KIAA0825: variants seen among roughly 807,000 people sequenced by gnomAD.
KIAA0825 encodes uncharacterized protein KIAA0825.
Under a neutral mutation model 147.6 loss-of-function variants are expected in KIAA0825, and 119 were observed. The ratio of observed to expected loss-of-function variants is 0.81; its 90% confidence interval spans 0.69 to 0.94. The LOEUF (loss-of-function observed/expected upper bound fraction) is 0.94, where lower values mean the gene tolerates loss of function less well. Among genes scored for constraint, KIAA0825 ranks in the 40% least tolerant of loss-of-function variants. KIAA0825 has a pLI of 0.00. For missense variants in KIAA0825, 1,381 were observed against 1,472.7 expected, an observed-to-expected ratio of 0.94 and a Z score of 1.02; for synonymous variants, 470 against 518.1, an observed-to-expected ratio of 0.91 and a Z score of 1.26.
chr5:94,417,018 A>C (rs1222744100), intron 15 of KIAA0825, 183 bp downstream of exon 15: 1 of 519,488 alleles, frequency 1.9e-6, no homozygotes, highest in Non-Finnish European at 3.4e-6. Flanking sequence ...AAGTATATGA[A>C]ATTTTACAGG....
chr5:94,203,695 C>T (rs572913357), intron 20 of KIAA0825, among the ~76,000 whole-genome samples: 18 of 152,204 alleles, frequency 1.2e-4, no homozygotes, highest in African/African-American at 3.9e-4. Flanking sequence ...AACAGATACT[C>T]GAGTATCTGA....
At chr5:94,188,938 T>G (rs377019465) in intron 20 of KIAA0825, among the ~76,000 whole-genome samples, 1 of 152,212 alleles carries the variant, frequency 6.6e-6, no homozygotes, top group South Asian at 2.1e-4. Flanking sequence ...ACACTTATTA[T>G]TGGCAGTCTT....
chr5:94,613,020 A>G (rs1374840580), intron 1 of KIAA0825, among the ~76,000 whole-genome samples: 2 of 152,322 alleles, frequency 1.3e-5, no homozygotes, highest in Middle Eastern at 3.4e-3. Context: ...GGCTATCATT[A>G]TATGTTCATG....
intron 20 of KIAA0825, among the ~76,000 whole-genome samples, chr5:94,364,468 G>C (rs1309736238): frequency 6.6e-6 from 1 of 151,694 alleles, no homozygotes; most frequent in East Asian, 1.9e-4. Context: ...TGCAAGCTCT[G>C]CCTCCCGGGT....
intron 1 of KIAA0825, among the ~76,000 whole-genome samples, chr5:94,597,636 T>C (rs899435842): frequency 2.0e-5 from 3 of 152,166 alleles, no homozygotes; most frequent in Admixed American, 1.3e-4. Flanking sequence ...TATATAGTCA[T>C]GTGTCACTTA....
intron 6 of KIAA0825, among the ~76,000 whole-genome samples, chr5:94,482,210 C>T (rs942738483): frequency 4.6e-5 from 7 of 151,954 alleles, no homozygotes; most frequent in East Asian, 1.9e-4. Context: ...ACTGAGAGAA[C>T]GGCCAATTTG....
chr5:94,503,972 G>C (rs575845269), intron 5 of KIAA0825, among the ~76,000 whole-genome samples: 1 of 152,270 alleles, frequency 6.6e-6, no homozygotes, highest in Non-Finnish European at 1.5e-5. Flanking sequence ...TCCAGCCTGT[G>C]TATCAAGAAC....
At chr5:94,320,230 G>A (rs1301484000) in intron 20 of KIAA0825, among the ~76,000 whole-genome samples, 1 of 151,806 alleles carries the variant, frequency 6.6e-6, no homozygotes, top group Non-Finnish European at 1.5e-5. Context: ...CATATTTATG[G>A]GGTACATGTG....
chr5:94,386,216 A>C, intron 19 of KIAA0825, 26 bp downstream of exon 19: 1 of 1,524,254 alleles, frequency 6.6e-7, no homozygotes. Context: ...CACACATTTA[A>C]ATTAAATTTA....
intron 2 of KIAA0825, among the ~76,000 whole-genome samples, chr5:94,538,983 A>T (rs997536453): frequency 1.3e-5 from 2 of 152,224 alleles, no homozygotes; most frequent in Non-Finnish European, 2.9e-5. Flanking sequence ...TAAGGCTGAG[A>T]CCTACTGGAC....
intron 5 of KIAA0825, among the ~76,000 whole-genome samples, chr5:94,500,718 A>G (rs1764969600): frequency 1.3e-5 from 2 of 152,198 alleles, no homozygotes; most frequent in South Asian, 4.1e-4. Flanking sequence ...TGTTGGAATC[A>G]TCATGATAAA....
chr5:94,585,474 C>A (rs1043261121), intron 1 of KIAA0825, among the ~76,000 whole-genome samples: 1 of 152,168 alleles, frequency 6.6e-6, no homozygotes, highest in Non-Finnish European at 1.5e-5. Flanking sequence ...GGGATCAATT[C>A]AACAAGAAGA....
chr5:94,224,082 CTTTTTTTTTTTTTT>C (rs869059424), intron 20 of KIAA0825, among the ~76,000 whole-genome samples: 3 of 56,434 alleles, frequency 5.3e-5, no homozygotes, highest in African/African-American at 6.8e-5. Flanking sequence ...TTTTTCTTTT[CTTTTTTTTTTTTTT>C]TTTTTTTTTT....
intron 20 of KIAA0825, among the ~76,000 whole-genome samples, chr5:94,189,272 G>A (rs1260592730): frequency 6.6e-6 from 1 of 152,052 alleles, no homozygotes; most frequent in Non-Finnish European, 1.5e-5. Context: ...ATCTTAATGA[G>A]AGTCCATTTT....
chr5:94,533,884 A>T (rs1771432219), intron 3 of KIAA0825, among the ~76,000 whole-genome samples: 1 of 152,174 alleles, frequency 6.6e-6, no homozygotes, highest in Non-Finnish European at 1.5e-5. Context: ...GCCTTTCTTG[A>T]AGGGCAGGTG....
intron 20 of KIAA0825, among the ~76,000 whole-genome samples, chr5:94,354,775 A>G (rs1562408691): frequency 6.6e-6 from 1 of 152,222 alleles, no homozygotes; most frequent in Non-Finnish European, 1.5e-5. Flanking sequence ...TCATAATCAA[A>G]CTGTCTTACA....
At chr5:94,160,914 T>C (rs1441054253) in intron 20 of KIAA0825, among the ~76,000 whole-genome samples, 2 of 152,140 alleles carry the variant, frequency 1.3e-5, no homozygotes, top group Non-Finnish European at 2.9e-5. Context: ...CTCTGTTTCC[T>C]TCTTTCTGCT....
chr5:94,307,637 G>C (rs1778831862), intron 20 of KIAA0825, among the ~76,000 whole-genome samples: 1 of 151,464 alleles, frequency 6.6e-6, no homozygotes, highest in Non-Finnish European at 1.5e-5. Context: ...AACTATCCCT[G>C]TAAATCTTCA....
Position 94,227,139 on chromosome 5 carries a change from A to G in KIAA0825, c.3711-73015T>C, listed in dbSNP as rs145300046. ...ACTATTCACAATAGCAAAGATTTGGAACCAACCCAAATGTCCAACAATGAT... is the reference window on the plus strand; with the variant it reads ...ACTATTCACAATAGCAAAGATTTGGGACCAACCCAAATGTCCAACAATGAT... On this transcript the variant is annotated intron_variant, in intron 20 of 20. Transcript: ENST00000682413. Among the ~76,000 whole-genome samples, 759 of 152,350 alleles carry G rather than the reference A, an allele frequency of 5.0e-3. 5 individuals carry two copies. The highest frequency in any genetic ancestry group is 0.018 in the African/African-American group (735 of 41,568).
Sources: allele counts gnomAD v4.1 joint callset (sites outside exome capture counted in the v4.1 genomes callset), GRCh38; gene constraint gnomAD v4.1.1; transcripts MANE v1.5; gene names NCBI Gene and HGNC (gene_info 2026-07-23, HGNC 2026-07-21).